Variants in CBFA2T2 observed in about 807,000 individuals in gnomAD.
CBFA2T2 encodes protein CBFA2T2.
CBFA2T2 carries 11 observed loss-of-function variants against 62.2 expected under a neutral mutation model. The observed-to-expected ratio is 0.18, with a 90% CI of 0.11 to 0.29. The LOEUF is 0.29. Ranked by LOEUF, CBFA2T2 falls within the 10% of genes least tolerant of loss-of-function variation. CBFA2T2 has a pLI of 1.00. For missense variants in CBFA2T2, 592 were observed against 774.1 expected, an observed-to-expected ratio of 0.76 and a Z score of 2.79; for synonymous variants, 295 against 287.5, an observed-to-expected ratio of 1.03 and a Z score of -0.27.
At chr20:33,590,617 C>T (rs942927307) in intron 1 of CBFA2T2, among the ~76,000 whole-genome samples, 1 of 152,134 alleles carries the variant, frequency 6.6e-6, no homozygotes, top group Non-Finnish European at 1.5e-5. Context: ...ATCTCTGCAG[C>T]AAGGTAAAGC....
intron 9 of CBFA2T2, among the ~76,000 whole-genome samples, 171 bp downstream of exon 9, chr20:33,636,879 G>A (rs2016653298): frequency 6.6e-6 from 1 of 152,178 alleles, no homozygotes; most frequent in Non-Finnish European, 1.5e-5. Context: ...CATGTCTCCT[G>A]ATACCTGTCT....
chr20:33,629,727 T>C lies in CBFA2T2; in HGVS notation c.1041T>C (p.Asn347=), dbSNP rs773771681. 9.3e-6 allele frequency: 15 copies of C among 1,613,034 alleles called. No homozygotes were observed. The East Asian group carries it at 2.2e-4, about 24-fold the overall frequency. ...CCCCCTCTGTGACTCAGGCGCTGAA[T>C]TGCATTATGGAAATGGTAGAGAAAA... ...DEWKHLDHAL[N]CIMEMVEKTR... is the part of the protein sequence containing the mutation. Residue 347 remains asparagine, a synonymous_variant, in exon 8 of 11, where the codon AAT becomes AAC. Coordinates refer to ENST00000342704, the MANE Select transcript of CBFA2T2 (RefSeq NM_001032999.3).
intron 6 of CBFA2T2, 57 bp downstream of exon 6, chr20:33,625,074 C>T: frequency 6.5e-7 from 1 of 1,546,006 alleles, no homozygotes; most frequent in Non-Finnish European, 8.8e-7. Context: ...TTCTTTCCAA[C>T]TCAATGATAA....
intron 6 of CBFA2T2, among the ~76,000 whole-genome samples, chr20:33,625,706 G>C (rs2122342946): frequency 6.6e-6 from 1 of 152,298 alleles, no homozygotes; most frequent in Non-Finnish European, 1.5e-5. Context: ...CCAGCACTTT[G>C]GAAGGCCAAG....
intron 1 of CBFA2T2, among the ~76,000 whole-genome samples, chr20:33,574,519 G>T (rs1404272024): frequency 6.6e-6 from 1 of 152,160 alleles, no homozygotes; most frequent in Non-Finnish European, 1.5e-5. Context: ...CAGCTACTCG[G>T]GTGGCTGAGG....
At chr20:33,633,109 G>A (rs866354224) in intron 8 of CBFA2T2, among the ~76,000 whole-genome samples, 6 of 151,906 alleles carry the variant, frequency 3.9e-5, no homozygotes, top group Non-Finnish European at 7.4e-5. Flanking sequence ...AGTGTCTCAC[G>A]CCTGTAATCC....
chr20:33,525,405 C>T (rs900917953), intron 1 of CBFA2T2, among the ~76,000 whole-genome samples: 27 of 145,116 alleles, frequency 1.9e-4, no homozygotes, highest in African/African-American at 3.1e-4. Context: ...AGGCTGGTCT[C>T]GAACTCCCGA....
At position 33,647,069 on chromosome 20, in the gene CBFA2T2, C is replaced by T. The variant is rs148063075; in HGVS notation, c.*2423C>T. On this transcript the variant is annotated 3_prime_UTR_variant, in exon 11 of 11. Coordinates refer to ENST00000342704, the MANE Select transcript of CBFA2T2 (RefSeq NM_001032999.3). ...CACATAAGCCCCACAGTTTTCCAGT[C>T]AGCCTAATACATGGGTATCCCCCGA... 8 of 152,234 alleles carry T rather than the reference C, an allele frequency of 5.3e-5. No individual in the cohort carries two copies. The highest frequency in any genetic ancestry group is 1.7e-4 in the African/African-American group (7 of 41,524). 9.4% of individuals were successfully genotyped at this position (152,234 alleles called of 1,614,324 possible).
At chr20:33,546,548 C>T (rs1371293468) in intron 1 of CBFA2T2, among the ~76,000 whole-genome samples, 2 of 151,818 alleles carry the variant, frequency 1.3e-5, no homozygotes, top group Non-Finnish European at 2.9e-5. Context: ...CCTTCCACCT[C>T]AGCCTCCCAA....
chr20:33,519,586 G>A (rs2011674587), intron 1 of CBFA2T2, among the ~76,000 whole-genome samples: 1 of 152,126 alleles, frequency 6.6e-6, no homozygotes, highest in South Asian at 2.1e-4. Flanking sequence ...TATCCACACG[G>A]ATTCCTTGCA....
chr20:33,536,288 C>T lies in CBFA2T2; in HGVS notation c.34+45987C>T, dbSNP rs1363764174. Among the ~76,000 whole-genome samples the T allele has an allele frequency of 2.4e-4, 34 of 143,760 alleles. 1 individual carries two copies. Among genetic ancestry groups the T allele is most frequent in the Non-Finnish European group, 1.1e-4 (7 of 64,072 alleles). 94.3% of individuals were successfully genotyped at this position (143,760 alleles called of 152,430 possible). A position where few individuals can be genotyped will look rare whatever the true frequency, so the allele number is the denominator to read the frequency against. Reference sequence around the variant, plus strand: ...TCATCTCCCAGACGGGGCGGCTGGCCGGGCGGGGGGCTGACCCCCCCCACC... The same window carrying T: ...TCATCTCCCAGACGGGGCGGCTGGCTGGGCGGGGGGCTGACCCCCCCCACC... On this transcript the variant is annotated intron_variant, in intron 1 of 10. Transcript: ENST00000342704.
At chr20:33,584,892 G>A (rs1457307108) in intron 1 of CBFA2T2, among the ~76,000 whole-genome samples, 8 of 152,096 alleles carry the variant, frequency 5.3e-5, no homozygotes, top group Admixed American at 3.3e-4. Flanking sequence ...TTTTGACAGG[G>A]TAACTTAGAT....
intron 1 of CBFA2T2, among the ~76,000 whole-genome samples, chr20:33,521,737 G>C (rs2011734810): frequency 6.6e-6 from 1 of 152,014 alleles, no homozygotes; most frequent in South Asian, 2.1e-4. Flanking sequence ...ATATACCTAA[G>C]CATAGCATTT....
chr20:33,574,247 C>T (rs766486284), intron 1 of CBFA2T2: 18 of 1,613,068 alleles, frequency 1.1e-5, no homozygotes, highest in Non-Finnish European at 1.4e-5. Flanking sequence ...CAGGTCCTGG[C>T]AAGGCAATGG....
At chr20:33,551,638 C>A (rs2012744594) in intron 1 of CBFA2T2, among the ~76,000 whole-genome samples, 1 of 152,048 alleles carries the variant, frequency 6.6e-6, no homozygotes, top group Non-Finnish European at 1.5e-5. Context: ...TAAAGCAATT[C>A]TTGTGCCTCA....
chr20:33,641,880 T>C (rs1453889636), intron 10 of CBFA2T2, among the ~76,000 whole-genome samples: 1 of 152,130 alleles, frequency 6.6e-6, no homozygotes. Flanking sequence ...TTTTTTTTTT[T>C]TTAACAAACA....
chr20:33,557,964 T>C (rs1474781443), intron 1 of CBFA2T2, among the ~76,000 whole-genome samples: 1 of 152,010 alleles, frequency 6.6e-6, no homozygotes, highest in Non-Finnish European at 1.5e-5. Context: ...GCCTCCCAAG[T>C]AGCTGGGATT....
intron 4 of CBFA2T2, among the ~76,000 whole-genome samples, chr20:33,621,832 G>A (rs781583557): frequency 3.3e-5 from 5 of 152,194 alleles, no homozygotes; most frequent in Non-Finnish European, 7.3e-5. Flanking sequence ...TCATGGCTCG[G>A]TTCTAATGGC....
intron 10 of CBFA2T2, 142 bp from the exon 11 acceptor site, chr20:33,644,205 A>G (rs1188989282): frequency 1.7e-5 from 13 of 782,936 alleles, no homozygotes; most frequent in Non-Finnish European, 2.6e-5. Context: ...AAACAGCAGT[A>G]GAGGGCGGAG....
Sources: allele counts gnomAD v4.1 joint callset (sites outside exome capture counted in the v4.1 genomes callset), GRCh38; gene constraint gnomAD v4.1.1; transcripts MANE v1.5; gene names NCBI Gene and HGNC (gene_info 2026-07-23, HGNC 2026-07-21).